The following FRMD4B variants were observed in gnomAD, a reference collection of about 807,000 sequenced individuals.
FRMD4B encodes FERM domain-containing protein 4B.
A neutral mutation model predicts 141.5 loss-of-function variants in FRMD4B; 74 were observed. The ratio of observed to expected loss-of-function variants is 0.52; its 90% confidence interval spans 0.43 to 0.63. The LOEUF is 0.63. Among genes scored for constraint, FRMD4B ranks in the 30% least tolerant of loss-of-function variants. The probability of loss-of-function intolerance (pLI) is 0.00; values close to 1 mark genes in which losing one functional copy is unlikely to be tolerated. For synonymous variants in FRMD4B, 506 were observed against 467.9 expected, an observed-to-expected ratio of 1.08 and a Z score of -1.05; for missense variants, 1,366 against 1,253.4, an observed-to-expected ratio of 1.09 and a Z score of -1.36.
intron 1 of FRMD4B, among the ~76,000 whole-genome samples, chr3:69,507,857 T>C (rs944261473): frequency 2.6e-5 from 4 of 152,198 alleles, no homozygotes; most frequent in Non-Finnish European, 5.9e-5. Flanking sequence ...AATAGGTTTT[T>C]TTTTCAGAGG....
At chr3:69,311,436 T>C in intron 2 of FRMD4B, 79 bp from the exon 3 acceptor site, 1 of 663,678 alleles carries the variant, frequency 1.5e-6, no homozygotes. Context: ...CCCTAAATAA[T>C]TTAAAGTAGC....
At chr3:69,472,307 T>C in intron 1 of FRMD4B, 1 of 427,842 alleles carries the variant, frequency 2.3e-6, no homozygotes, top group South Asian at 1.9e-5. Context: ...GCAACTTTTT[T>C]TTTCTTTGCA....
intron 1 of FRMD4B, among the ~76,000 whole-genome samples, chr3:69,332,237 G>A (rs1559810765): frequency 6.6e-6 from 1 of 152,202 alleles, no homozygotes; most frequent in African/African-American, 2.4e-5. Context: ...GAGCAGGCAG[G>A]TCTGGCCACA....
chr3:69,336,871 G>A (rs1702575004), intron 1 of FRMD4B, among the ~76,000 whole-genome samples: 1 of 152,198 alleles, frequency 6.6e-6, no homozygotes, highest in Non-Finnish European at 1.5e-5. Context: ...TTGAACCTGG[G>A]AGGCAGAGGT....
chr3:69,341,085 T>C (rs1185370678), intron 1 of FRMD4B, among the ~76,000 whole-genome samples: 4 of 152,148 alleles, frequency 2.6e-5, no homozygotes, highest in Non-Finnish European at 5.9e-5. Context: ...TAGTTAAAAG[T>C]GTCACTGATT....
chr3:69,221,227 T>C (rs2093191173), intron 9 of FRMD4B, among the ~76,000 whole-genome samples: 1 of 152,146 alleles, frequency 6.6e-6, no homozygotes, highest in Non-Finnish European at 1.5e-5. Context: ...CCTACCAAAA[T>C]GCTGGGATTA....
intron 7 of FRMD4B, among the ~76,000 whole-genome samples, chr3:69,228,930 A>G (rs543401740): frequency 1.3e-5 from 2 of 151,972 alleles, no homozygotes; most frequent in East Asian, 1.9e-4. Flanking sequence ...CAAATTGTCA[A>G]TAGTGATTGA....
At chr3:69,535,643 G>A (rs1264932606) in intron 1 of FRMD4B, 9 of 209,292 alleles carry the variant, frequency 4.3e-5, no homozygotes, top group Non-Finnish European at 6.9e-5. Flanking sequence ...CGGTCTCTCC[G>A]CCCCTGCCTC....
chr3:69,356,420 C>T (rs1703325074), intron 1 of FRMD4B, among the ~76,000 whole-genome samples: 1 of 152,032 alleles, frequency 6.6e-6, no homozygotes, highest in Admixed American at 6.6e-5. Flanking sequence ...ACATCTTTCT[C>T]TCGTGCTGGA....
At chr3:69,218,130 T>C (rs928133145) in intron 10 of FRMD4B, among the ~76,000 whole-genome samples, 192 bp downstream of exon 10, 7 of 152,182 alleles carry the variant, frequency 4.6e-5, no homozygotes, top group African/African-American at 1.7e-4. Context: ...AAGAGAATGA[T>C]CTGAACATTT....
chr3:69,435,964 A>T (rs1705253452), intron 1 of FRMD4B, among the ~76,000 whole-genome samples: 1 of 152,206 alleles, frequency 6.6e-6, no homozygotes, highest in African/African-American at 2.4e-5. Flanking sequence ...GGCCATTTGT[A>T]TAAAAAGGTG....
intron 1 of FRMD4B, among the ~76,000 whole-genome samples, chr3:69,333,359 G>C (rs890238729): frequency 1.3e-5 from 2 of 152,192 alleles, no homozygotes; most frequent in African/African-American, 2.4e-5. Context: ...ACAAGAAAAG[G>C]GAATCCCGTG....
At chr3:69,321,224 CG>C (rs36056833) in intron 1 of FRMD4B, among the ~76,000 whole-genome samples, 1 of 152,026 alleles carries the variant, frequency 6.6e-6, no homozygotes, top group East Asian at 1.9e-4. Context: ...CTCATAACAA[CG>C]GGGTCGTCTT....
chr3:69,514,388 GA>G (rs896253200), intron 1 of FRMD4B, among the ~76,000 whole-genome samples: 2 of 150,758 alleles, frequency 1.3e-5, no homozygotes, highest in Admixed American at 6.6e-5. Context: ...AAACATTGCT[GA>G]AAAAAAAATA....
At chr3:69,283,110 GCT>G (rs2093651626) in intron 5 of FRMD4B, among the ~76,000 whole-genome samples, 1 of 151,788 alleles carries the variant, frequency 6.6e-6, no homozygotes, top group Non-Finnish European at 1.5e-5. Context: ...CAGGCCAGGC[GCT>G]GTGGCTCACA....
At chr3:69,378,529 T>C (rs1704033060) in intron 1 of FRMD4B, among the ~76,000 whole-genome samples, 1 of 152,200 alleles carries the variant, frequency 6.6e-6, no homozygotes, top group Non-Finnish European at 1.5e-5. Context: ...ACCAGGATCC[T>C]GGGGCTGTTT....
chr3:69,168,979 T>C lies in FRMD4B; in HGVS notation c.*2882A>G, dbSNP rs1194530985. ...TGTCTTGATACAGAGGCCCAAGATA[T>C]ATTAGGCAGAAAACAAAACAAACAA... On this transcript the variant is annotated 3_prime_UTR_variant, in exon 23 of 23. Transcript: ENST00000398540. Among the ~76,000 whole-genome samples, 1 of 138,840 alleles carries C rather than the reference T, an allele frequency of 7.2e-6. No individual in the cohort carries two copies. The highest frequency in any genetic ancestry group is 1.6e-5 in the Non-Finnish European group (1 of 62,798). 91.1% of individuals were successfully genotyped at this position (138,840 alleles called of 152,430 possible). A position where few individuals can be genotyped will look rare whatever the true frequency, so the allele number is the denominator to read the frequency against.
At position 69,317,922 on chromosome 3, in the gene FRMD4B, C is replaced by T. The variant is rs545505390; in HGVS notation, c.163-4405G>A. Among the ~76,000 whole-genome samples the T allele has an allele frequency of 2.0e-5, 3 of 152,114 alleles. No homozygotes were observed. In the South Asian group the frequency reaches 6.2e-4, roughly 32 times the overall value. Reference sequence around the variant, plus strand: ...TGAGTTTCATGAAACACCCTGTATTCCTTTAACAAATCCATTTTTTTCCCT... The same window carrying T: ...TGAGTTTCATGAAACACCCTGTATTTCTTTAACAAATCCATTTTTTTCCCT... On this transcript the variant is annotated intron_variant, in intron 1 of 22. Coordinates refer to ENST00000398540, the MANE Select transcript of FRMD4B (RefSeq NM_015123.3).
At chr3:69,179,112 T>C (rs889078565) in intron 21 of FRMD4B, among the ~76,000 whole-genome samples, 3 of 152,132 alleles carry the variant, frequency 2.0e-5, no homozygotes, top group Non-Finnish European at 4.4e-5. Flanking sequence ...CAGGGAATTC[T>C]GGGAGTACTG....
Sources: gnomAD v4.1 joint callset for allele counts (sites outside exome capture counted in the v4.1 genomes callset) on GRCh38, gnomAD v4.1.1 for gene constraint, MANE v1.5 for transcripts, NCBI Gene and HGNC (gene_info 2026-07-23, HGNC 2026-07-21) for gene names.